Variants in CSMD1 observed in about 807,000 individuals in gnomAD.
The protein encoded by CSMD1 is CUB and sushi domain-containing protein 1.
Under a neutral mutation model 417.5 loss-of-function variants are expected in CSMD1, and 213 were observed. The ratio of observed to expected loss-of-function variants is 0.51; its 90% CI spans 0.46 to 0.57. The LOEUF is 0.57. Among genes scored for constraint, CSMD1 ranks in the 20% least tolerant of loss-of-function variants. The probability of loss-of-function intolerance (pLI) is 0.00; values close to 1 mark genes in which losing one functional copy is unlikely to be tolerated. For synonymous variants in CSMD1, 2,862 were observed against 1,736.8 expected (o/e 1.65, Z -16.11); for missense variants, 6,923 against 4,529.7 (o/e 1.53, Z -15.17).
At chr8:3,386,247 G>C (rs1810996035) in intron 18 of CSMD1, among the ~76,000 whole-genome samples, 1 of 152,106 alleles carries the variant, frequency 6.6e-6, no homozygotes, top group African/African-American at 2.4e-5. Context: ...CCTTCACCTG[G>C]GGGGCTCACC....
chr8:4,453,736 A>G (rs765767763), intron 2 of CSMD1, among the ~76,000 whole-genome samples: 2 of 150,516 alleles, frequency 1.3e-5, no homozygotes, highest in Non-Finnish European at 3.0e-5. Flanking sequence ...ACCATCCCCA[A>G]ACGTAATTCC....
At chr8:3,921,475 T>C (rs186545923) in intron 5 of CSMD1, among the ~76,000 whole-genome samples, 1 of 152,158 alleles carries the variant, frequency 6.6e-6, no homozygotes, top group Admixed American at 6.5e-5. Context: ...CAGTGAGGTG[T>C]AAAGTTAGGT....
intron 5 of CSMD1, among the ~76,000 whole-genome samples, chr8:3,919,200 AAAAAAAAAAAG>A (rs1472922049): frequency 2.6e-5 from 4 of 151,342 alleles, no homozygotes. Flanking sequence ...AAAAAAAAAA[AAAAAAAAAAAG>A]AAAGAAATCA....
At chr8:4,034,411 G>A (rs72624061) in intron 3 of CSMD1, among the ~76,000 whole-genome samples, 1 of 152,058 alleles carries the variant, frequency 6.6e-6, no homozygotes, top group African/African-American at 2.4e-5. Context: ...ACAGAAAATA[G>A]TTCACTATTG....
chr8:4,033,412 A>G (rs1173284846), intron 3 of CSMD1, among the ~76,000 whole-genome samples: 1 of 152,184 alleles, frequency 6.6e-6, no homozygotes, highest in South Asian at 2.1e-4. Context: ...ACTGCACTCC[A>G]GCGTGGGTGA....
At chr8:3,349,174 G>A (rs188317849) in intron 21 of CSMD1, among the ~76,000 whole-genome samples, 15 of 152,318 alleles carry the variant, frequency 9.8e-5, no homozygotes, top group African/African-American at 2.6e-4. Context: ...TGTACTGAGA[G>A]CAGGAGAGAA....
intron 2 of CSMD1, among the ~76,000 whole-genome samples, chr8:4,445,299 A>G (rs1047377230): frequency 3.3e-5 from 5 of 152,156 alleles, no homozygotes; most frequent in African/African-American, 9.7e-5. Flanking sequence ...CGTTAGTTAT[A>G]TCTGCCTCAT....
rs182543867 is a variant in CSMD1 at position 3,870,931 on chromosome 8, T to C, written c.819-116889A>G. The stretch of plus-strand genomic sequence containing the variant: ...CTTTTATTGCATGTACATAGCTTTT[T>C]ATGTATTCATAAATGTAAATTTTTG... On this transcript the variant is annotated intron_variant, in intron 5 of 69. Coordinates refer to ENST00000635120, the MANE Select transcript of CSMD1 (RefSeq NM_033225.6). Among the ~76,000 whole-genome samples the C allele has an allele frequency of 8.5e-5, 13 of 152,196 alleles. No individual in the cohort carries two copies. The East Asian group carries it at 1.4e-3, about 16-fold the overall frequency.
rs144232621 is a variant in CSMD1, at chr8:2,981,678, A to G, written c.8378-2878T>C. Among the ~76,000 whole-genome samples the G allele has an allele frequency of 2.4e-3, 359 of 152,348 alleles. 6 individuals carry two copies. The highest frequency in any genetic ancestry group is 8.1e-3 in the African/African-American group (338 of 41,582). On this transcript the variant is annotated intron_variant, in intron 54 of 69. Coordinates refer to ENST00000635120, the MANE Select transcript of CSMD1 (RefSeq NM_033225.6). ...GGAAGGAATGAGAACATGATGTCTTATATACATTCAGCCCAGCAGGGAGAA... is the reference window on the plus strand; with the variant it reads ...GGAAGGAATGAGAACATGATGTCTTGTATACATTCAGCCCAGCAGGGAGAA...
At chr8:4,021,117 G>A (rs1057514792) in intron 4 of CSMD1, among the ~76,000 whole-genome samples, 7 of 152,298 alleles carry the variant, frequency 4.6e-5, no homozygotes, top group African/African-American at 1.4e-4. Flanking sequence ...TTAAAGTTGA[G>A]GCTCAATACA....
intron 41 of CSMD1, among the ~76,000 whole-genome samples, chr8:3,132,081 C>T (rs1156703581): frequency 6.6e-6 from 1 of 152,142 alleles, no homozygotes; most frequent in Non-Finnish European, 1.5e-5. Context: ...TCACACGTGG[C>T]CTCCAGGTTC....
intron 3 of CSMD1, among the ~76,000 whole-genome samples, chr8:4,127,505 T>C (rs993587882): frequency 5.4e-5 from 8 of 147,912 alleles, no homozygotes; most frequent in South Asian, 2.2e-4. Context: ...TAACTTCAAC[T>C]GCAGACTTCT....
chr8:3,542,841 A>C (rs2116717964), intron 10 of CSMD1, among the ~76,000 whole-genome samples: 1 of 152,304 alleles, frequency 6.6e-6, no homozygotes, highest in South Asian at 2.1e-4. Context: ...TGGGGTACAA[A>C]GCCCAGGGAG....
intron 5 of CSMD1, among the ~76,000 whole-genome samples, chr8:3,835,161 G>C (rs908295659): frequency 2.0e-5 from 3 of 147,588 alleles, no homozygotes; most frequent in Non-Finnish European, 4.5e-5. Flanking sequence ...TCAGTGTGGC[G>C]ATTCCTCAGG....
At chr8:4,094,003 T>A (rs1218848214) in intron 3 of CSMD1, among the ~76,000 whole-genome samples, 3 of 151,560 alleles carry the variant, frequency 2.0e-5, no homozygotes, top group Admixed American at 6.6e-5. Flanking sequence ...GATAGATAGA[T>A]AGATAGATAA....
chr8:4,397,422 G>A (rs964442703), intron 3 of CSMD1, among the ~76,000 whole-genome samples: 4 of 151,424 alleles, frequency 2.6e-5, no homozygotes, highest in African/African-American at 7.3e-5. Context: ...GAAATCATTA[G>A]GAACATGGAA....
intron 7 of CSMD1, among the ~76,000 whole-genome samples, chr8:3,653,133 A>G (rs1791088152): frequency 6.6e-6 from 1 of 152,066 alleles, no homozygotes; most frequent in Admixed American, 6.5e-5. Context: ...TGAAAGCCCT[A>G]TAAATTCAAA....
intron 12 of CSMD1, among the ~76,000 whole-genome samples, chr8:3,461,643 T>G (rs1816512328): frequency 6.6e-6 from 1 of 152,180 alleles, no homozygotes; most frequent in Non-Finnish European, 1.5e-5. Flanking sequence ...CCCAGCATCT[T>G]CCAGATCCTC....
intron 5 of CSMD1, among the ~76,000 whole-genome samples, chr8:3,761,695 G>A (rs1297807077): frequency 2.0e-5 from 3 of 151,926 alleles, no homozygotes; most frequent in Non-Finnish European, 2.9e-5. Flanking sequence ...TAGTAGAGAT[G>A]AGGTTTCACC....
Sources: allele counts gnomAD v4.1 joint callset (sites outside exome capture counted in the v4.1 genomes callset), GRCh38; gene constraint gnomAD v4.1.1; transcripts MANE v1.5; gene names NCBI Gene and HGNC (gene_info 2026-07-23, HGNC 2026-07-21).